OTOF: variants seen among roughly 807,000 people sequenced by gnomAD.
OTOF encodes otoferlin.
OTOF carries 218 observed loss-of-function variants against 236.8 expected under a neutral mutation model. That is an observed-to-expected ratio of 0.92 (90% CI 0.82 to 1.03). The LOEUF (loss-of-function observed/expected upper bound fraction) is 1.03. OTOF is among the 50% of genes least tolerant of loss of function. The pLI is 0.00. For missense variants in OTOF, 2,590 were observed against 2,694.4 expected, an observed-to-expected ratio of 0.96 and a Z score of 0.86; for synonymous variants, 1,041 against 1,072.5, an observed-to-expected ratio of 0.97 and a Z score of 0.57.
intron 11 of OTOF, among the ~76,000 whole-genome samples, chr2:26,487,365 G>A (rs1261199231): frequency 6.6e-6 from 1 of 152,184 alleles, no homozygotes; most frequent in Non-Finnish European, 1.5e-5. Flanking sequence ...ACCAGGCTCA[G>A]GGCTGGATTC....
At chr2:26,486,615 G>A (rs1279069828) in intron 11 of OTOF, among the ~76,000 whole-genome samples, 1 of 152,202 alleles carries the variant, frequency 6.6e-6, no homozygotes, top group African/African-American at 2.4e-5. Flanking sequence ...GTGAAAGTGG[G>A]TGAAGGTTAC....
At chr2:26,520,796 C>T (rs138507512) in intron 3 of OTOF, among the ~76,000 whole-genome samples, 3 of 152,304 alleles carry the variant, frequency 2.0e-5, no homozygotes, top group South Asian at 2.1e-4. Context: ...CAGTAGACCA[C>T]GGGCACGAAA....
chr2:26,503,262 C>T (rs1666164444), intron 6 of OTOF, among the ~76,000 whole-genome samples: 1 of 152,234 alleles, frequency 6.6e-6, no homozygotes, highest in Non-Finnish European at 1.5e-5. Context: ...GCTGTCTTCC[C>T]CTCTCCAGTC....
chr2:26,464,181 G>T, intron 39 of OTOF, 75 bp from the exon 40 acceptor site: 1 of 1,574,332 alleles, frequency 6.4e-7, no homozygotes, highest in Non-Finnish European at 8.7e-7. Context: ...TAGGGACTTA[G>T]GAGCACAAAG....
chr2:26,529,278 G>C (rs561866707), intron 2 of OTOF, among the ~76,000 whole-genome samples: 1 of 152,224 alleles, frequency 6.6e-6, no homozygotes, highest in East Asian at 1.9e-4. Context: ...CTGGTAGAAG[G>C]CAGTGACTTT....
intron 3 of OTOF, among the ~76,000 whole-genome samples, chr2:26,523,430 G>A (rs1240639579): frequency 1.3e-5 from 2 of 152,128 alleles, no homozygotes; most frequent in Non-Finnish European, 2.9e-5. Context: ...TCTGCTTCTA[G>A]GACAAGTCTC....
In OTOF at chr2:26,474,086, G is replaced by A. The variant is rs1359073479; in HGVS notation, c.3313C>T (p.Leu1105=). Residue 1105 remains leucine (L), a synonymous_variant, in exon 27 of 47, where the codon CTG becomes TTG. Transcript: ENST00000272371. The stretch of plus-strand genomic sequence containing the variant: ...TCCACCGGGCCATTGATGGGGGGCA[G>A]GTCAGCCTTCCCTGCTGGTCCAATC... ...LQIGPAGKAD[L]PPINGPVDVD... The A allele has an allele frequency of 1.2e-6, 2 of 1,612,882 alleles. No individual in the cohort carries two copies. The highest frequency in any genetic ancestry group is 2.2e-5 in the East Asian group (1 of 44,894).
intron 3 of OTOF, among the ~76,000 whole-genome samples, chr2:26,519,688 G>T (rs1558511961): frequency 6.6e-6 from 1 of 152,174 alleles, no homozygotes; most frequent in Non-Finnish European, 1.5e-5. Context: ...AAGAGACAGG[G>T]ATCTGAACCC....
In OTOF at chr2:26,521,306, C is replaced by G. The variant is rs564250602; in HGVS notation, c.228-2197G>C. On this transcript the variant is annotated intron_variant, in intron 3 of 46. Coordinates refer to ENST00000272371, the MANE Select transcript of OTOF (RefSeq NM_194248.3). ...GTGGGGCGATCAGGCACATCTTTCT[C>G]CAGAATTAGATGCCTAAGAACAGCC... is the stretch of plus-strand genomic sequence containing the variant. 7.9e-5 allele frequency among the ~76,000 whole-genome samples: 12 copies of G among 152,320 alleles called. No homozygotes were observed. In the South Asian group the frequency reaches 2.5e-3, roughly 32 times the overall value.
chr2:26,489,478 C>T (rs569039250), intron 10 of OTOF, among the ~76,000 whole-genome samples, 183 bp from the exon 11 acceptor site: 89 of 152,256 alleles, frequency 5.8e-4, no homozygotes, highest in Middle Eastern at 6.8e-3. Context: ...TGTTTACGGG[C>T]GAATGCACTA....
chr2:26,502,617 A>G (rs1244253333), intron 6 of OTOF, among the ~76,000 whole-genome samples, 191 bp from the exon 7 acceptor site: 1 of 152,140 alleles, frequency 6.6e-6, no homozygotes, highest in African/African-American at 2.4e-5. Flanking sequence ...TTGAATGGCC[A>G]TTATGTCTGG....
rs1289783655 is a variant in OTOF, at chr2:26,529,950, C to G, written c.139-2030G>C. Among the ~76,000 whole-genome samples, 16 of 72,500 alleles carry G rather than the reference C, an allele frequency of 2.2e-4. No individual in the cohort carries two copies. In the Admixed American group the frequency reaches 3.3e-3, roughly 15 times the overall value. 47.6% of individuals were successfully genotyped at this position (72,500 alleles called of 152,430 possible). On this transcript the variant is annotated intron_variant, in intron 2 of 46. Transcript: ENST00000272371. ...GGCTGCGGCTCCAGCTTCTGGATGCCTCTGGCAGCTCAGCAGAGTGTGTGG... is the reference window on the plus strand; with the variant it reads ...GGCTGCGGCTCCAGCTTCTGGATGCGTCTGGCAGCTCAGCAGAGTGTGTGG...
chr2:26,477,787 C>T lies in OTOF; in HGVS notation c.2215-38G>A, dbSNP rs567936100. The T allele has an allele frequency of 6.2e-7, 1 of 1,609,590 alleles. No individual in the cohort carries two copies. Among genetic ancestry groups the T allele is most frequent in the African/African-American group, 1.3e-5 (1 of 74,832 alleles). The stretch of plus-strand genomic sequence containing the variant: ...AGTGTGGGTGATGCTGGGCCACAGC[C>T]CCGCCTCCCCAGCCTCCCCAAATGC... On this transcript the variant is annotated intron_variant, in intron 18 of 46. Transcript: ENST00000272371. This position sits in a 1 kb window ranked among gnomAD's most constrained non-coding sequence, Gnocchi z 4.7.
chr2:26,489,762 C>T (rs1346835697), intron 9 of OTOF, 22 bp from the exon 10 acceptor site: 1 of 1,597,154 alleles, frequency 6.3e-7, no homozygotes, highest in South Asian at 1.1e-5. Flanking sequence ...AGGATCCAGG[C>T]CTGCTGTCAC....
At chr2:26,515,200 G>A (rs1056638409) in intron 5 of OTOF, among the ~76,000 whole-genome samples, 7 of 152,218 alleles carry the variant, frequency 4.6e-5, no homozygotes, top group East Asian at 1.9e-4. Flanking sequence ...AGGGTCACAC[G>A]ACTAGTAAGA....
intron 1 of OTOF, among the ~76,000 whole-genome samples, chr2:26,557,228 G>T (rs1667614383): frequency 6.6e-6 from 1 of 152,184 alleles, no homozygotes; most frequent in African/African-American, 2.4e-5. Context: ...CAGAGGTGCA[G>T]ACACTGTGTC....
At chr2:26,549,877 C>G (rs1296040750) in intron 1 of OTOF, among the ~76,000 whole-genome samples, 1 of 152,180 alleles carries the variant, frequency 6.6e-6, no homozygotes, top group Non-Finnish European at 1.5e-5. Context: ...TGTCTTTGAG[C>G]CTTGGACAGT....
At chr2:26,555,547 C>G (rs73923723) in intron 1 of OTOF, among the ~76,000 whole-genome samples, 2,023 of 152,140 alleles carry the variant, frequency 0.013, 40 homozygotes, top group African/African-American at 0.047. Flanking sequence ...GCCGACTGGC[C>G]TGAGGGCAGT....
rs775918984 is a variant in OTOF, at chr2:26,462,769, A to G, written c.5193-588T>C. ...GCATGATTTGCTGGGGCCAGCGCCAAATGGAAATGCAGGGTCACTTGTCAT... is the reference window on the plus strand; with the variant it reads ...GCATGATTTGCTGGGGCCAGCGCCAGATGGAAATGCAGGGTCACTTGTCAT... On this transcript the variant is annotated intron_variant, in intron 41 of 46. Coordinates refer to ENST00000272371, the MANE Select transcript of OTOF (RefSeq NM_194248.3). This position sits in a 1 kb window ranked among gnomAD's most constrained non-coding sequence, Gnocchi z 4.7. Among the ~76,000 whole-genome samples the G allele has an allele frequency of 1.4e-4, 22 of 152,326 alleles. No individual in the cohort carries two copies. The highest frequency in any genetic ancestry group is 5.3e-4 in the African/African-American group (22 of 41,576).
Sources: gnomAD v4.1 joint callset for allele counts (sites outside exome capture counted in the v4.1 genomes callset) on GRCh38, gnomAD v4.1.1 for gene constraint, Gnocchi (gnomAD v3.1) non-coding constraint, MANE v1.5 for transcripts, NCBI Gene and HGNC (gene_info 2026-07-23, HGNC 2026-07-21) for gene names.